Variants in MAP3K7 observed in about 807,000 individuals in gnomAD.
The protein encoded by MAP3K7 is TGF-beta activated kinase 1.
MAP3K7 carries 21 observed loss-of-function variants against 84.8 expected under a neutral mutation model. The ratio of observed to expected loss-of-function variants is 0.25; its 90% CI spans 0.18 to 0.36. The LOEUF (loss-of-function observed/expected upper bound fraction) is 0.36, where lower values mean the gene tolerates loss of function less well. MAP3K7 is among the 10% of genes least tolerant of loss of function. MAP3K7 has a pLI of 1.00. For missense variants in MAP3K7, 503 were observed against 747.7 expected (o/e 0.67, Z 3.82); for synonymous variants, 241 against 247.7 (o/e 0.97, Z 0.25).
chr6:90,585,499 A>G (rs1777415475), intron 1 of MAP3K7, among the ~76,000 whole-genome samples: 1 of 152,236 alleles, frequency 6.6e-6, no homozygotes, highest in Admixed American at 6.5e-5. Flanking sequence ...CATGGACTAT[A>G]TAACGCAAAG....
At chr6:90,524,910 T>G (rs910378033) in intron 13 of MAP3K7, among the ~76,000 whole-genome samples, 1 of 152,140 alleles carries the variant, frequency 6.6e-6, no homozygotes, top group Non-Finnish European at 1.5e-5. Context: ...AGGTTGGGCA[T>G]GAATGTTAAA....
At chr6:90,572,927 CA>C (rs1776954385) in intron 1 of MAP3K7, among the ~76,000 whole-genome samples, 1 of 152,154 alleles carries the variant, frequency 6.6e-6, no homozygotes, top group African/African-American at 2.4e-5. Context: ...CCACCTACTC[CA>C]ATCTCTCAGC....
At chr6:90,527,632 C>T (rs1775364448) in intron 13 of MAP3K7, among the ~76,000 whole-genome samples, 1 of 152,064 alleles carries the variant, frequency 6.6e-6, no homozygotes, top group African/African-American at 2.4e-5. Context: ...TATGACAGAA[C>T]ATGGCACTGA....
intron 13 of MAP3K7, among the ~76,000 whole-genome samples, chr6:90,528,381 T>C (rs1775391639): frequency 6.6e-6 from 1 of 152,166 alleles, no homozygotes; most frequent in Non-Finnish European, 1.5e-5. Context: ...AAAAGTACCT[T>C]TGAGTAGAAT....
At chr6:90,571,620 C>A (rs1776904028) in intron 2 of MAP3K7, 77 bp downstream of exon 2, 4 of 819,384 alleles carry the variant, frequency 4.9e-6, no homozygotes, top group Admixed American at 3.3e-5. Context: ...TCTGAGAAAC[C>A]AATCTTTTTC....
At chr6:90,567,709 C>G (rs1250455807) in intron 3 of MAP3K7, among the ~76,000 whole-genome samples, 1 of 152,224 alleles carries the variant, frequency 6.6e-6, no homozygotes, top group East Asian at 1.9e-4. Context: ...CATCCCACTA[C>G]TGGGTATATA....
intron 2 of MAP3K7, among the ~76,000 whole-genome samples, chr6:90,569,691 C>T (rs1376329903): frequency 6.6e-6 from 1 of 152,068 alleles, no homozygotes; most frequent in Non-Finnish European, 1.5e-5. Flanking sequence ...GTTGTCCAGA[C>T]TGATCTCAAA....
chr6:90,560,652 G>T (rs946880801), intron 4 of MAP3K7, among the ~76,000 whole-genome samples: 7 of 152,134 alleles, frequency 4.6e-5, no homozygotes, highest in African/African-American at 1.4e-4. Context: ...GAGCCACCAT[G>T]CCTGGCCTTT....
intron 4 of MAP3K7, 33 bp downstream of exon 4, chr6:90,561,589 C>T (rs1318177290): frequency 4.6e-6 from 7 of 1,513,146 alleles, no homozygotes; most frequent in Non-Finnish European, 6.4e-6. Flanking sequence ...TTATTTTAAT[C>T]CACTAGATAA....
At chr6:90,553,636 A>T (rs746407703) in intron 6 of MAP3K7, 50 bp from the exon 7 acceptor site, 1 of 1,519,106 alleles carries the variant, frequency 6.6e-7, no homozygotes, top group South Asian at 1.2e-5. Flanking sequence ...TTTCCACATG[A>T]CTTACAGAAA....
intron 6 of MAP3K7, 108 bp downstream of exon 6, chr6:90,556,392 T>C (rs1018891590): frequency 1.8e-6 from 2 of 1,135,982 alleles, no homozygotes; most frequent in South Asian, 1.6e-5. Context: ...GTATACTTTA[T>C]GTATTATGCA....
intron 12 of MAP3K7, among the ~76,000 whole-genome samples, chr6:90,540,820 T>C (rs900200828): frequency 2.6e-5 from 4 of 151,956 alleles, no homozygotes; most frequent in African/African-American, 9.7e-5. Flanking sequence ...TTGTTCCTCT[T>C]TTTTTGTAAT....
intron 13 of MAP3K7, among the ~76,000 whole-genome samples, chr6:90,527,400 C>T (rs1272533486): frequency 2.6e-5 from 4 of 151,808 alleles, no homozygotes; most frequent in Non-Finnish European, 5.9e-5. Flanking sequence ...GTAGCTGGAA[C>T]CACATGCTCA....
At chr6:90,532,194 G>A (rs1008748358) in intron 13 of MAP3K7, among the ~76,000 whole-genome samples, 9 of 152,096 alleles carry the variant, frequency 5.9e-5, no homozygotes, top group Admixed American at 4.6e-4. Flanking sequence ...GACCTTTAAA[G>A]CAAATACTTT....
At chr6:90,539,334 A>G (rs1347530985) in intron 12 of MAP3K7, among the ~76,000 whole-genome samples, 1 of 151,870 alleles carries the variant, frequency 6.6e-6, no homozygotes, top group Non-Finnish European at 1.5e-5. Flanking sequence ...ATTCATTATA[A>G]AGTTAGATTA....
At chr6:90,581,702 A>T (rs994514385) in intron 1 of MAP3K7, among the ~76,000 whole-genome samples, 6 of 152,220 alleles carry the variant, frequency 3.9e-5, no homozygotes, top group African/African-American at 1.4e-4. Flanking sequence ...TAACTATAGT[A>T]ATTCCAGATT....
At chr6:90,573,211 T>C (rs770631261) in intron 1 of MAP3K7, among the ~76,000 whole-genome samples, 1 of 152,194 alleles carries the variant, frequency 6.6e-6, no homozygotes, top group Non-Finnish European at 1.5e-5. Context: ...AACACGGGAA[T>C]GTTACCAGTC....
intron 4 of MAP3K7, among the ~76,000 whole-genome samples, chr6:90,560,699 A>C (rs1776484394): frequency 6.6e-6 from 1 of 152,170 alleles, no homozygotes; most frequent in Non-Finnish European, 1.5e-5. Flanking sequence ...GAAAATATCT[A>C]CTAATTTTGA....
chr6:90,537,443 C>T (rs756502971), intron 12 of MAP3K7, among the ~76,000 whole-genome samples: 6 of 151,916 alleles, frequency 3.9e-5, no homozygotes, highest in African/African-American at 7.2e-5. Context: ...TAATTTAGCA[C>T]CTTAACCCAC....
Sources: allele counts gnomAD v4.1 joint callset (sites outside exome capture counted in the v4.1 genomes callset), GRCh38; gene constraint gnomAD v4.1.1; transcripts MANE v1.5; gene names NCBI Gene and HGNC (gene_info 2026-07-23, HGNC 2026-07-21).